TBC1D22A: variants seen among roughly 807,000 people sequenced by gnomAD.
TBC1D22A encodes the protein putative GTPase activator.
In TBC1D22A, 38 loss-of-function variants were observed where a neutral mutation model predicts 60.2. That is an observed-to-expected ratio of 0.63 (90% CI 0.49 to 0.83). The LOEUF (loss-of-function observed/expected upper bound fraction) is 0.83. Among genes scored for constraint, TBC1D22A ranks in the 40% least tolerant of loss-of-function variants. The pLI is 0.00. For synonymous variants in TBC1D22A, 302 were observed against 281.7 expected, an observed-to-expected ratio of 1.07 and a Z score of -0.72; for missense variants, 628 against 701.0, an observed-to-expected ratio of 0.90 and a Z score of 1.18.
intron 10 of TBC1D22A, among the ~76,000 whole-genome samples, chr22:47,029,030 C>A (rs1323319485): frequency 1.3e-5 from 2 of 152,182 alleles, no homozygotes; most frequent in East Asian, 1.9e-4. Flanking sequence ...TCCATGACTT[C>A]AGGTTTGATT....
intron 9 of TBC1D22A, among the ~76,000 whole-genome samples, chr22:46,985,309 G>T (rs2074682390): frequency 6.6e-6 from 1 of 152,168 alleles, no homozygotes; most frequent in African/African-American, 2.4e-5. Flanking sequence ...GTTTAGATGT[G>T]TCAAATCCAC....
At chr22:46,988,894 G>A (rs1483385026) in intron 9 of TBC1D22A, among the ~76,000 whole-genome samples, 1 of 152,206 alleles carries the variant, frequency 6.6e-6, no homozygotes, top group Non-Finnish European at 1.5e-5. Flanking sequence ...GAAAGTTGTA[G>A]ATGGTGTCTT....
chr22:46,942,292 G>GA (rs946398950), intron 8 of TBC1D22A, among the ~76,000 whole-genome samples: 2 of 151,864 alleles, frequency 1.3e-5, no homozygotes, highest in African/African-American at 4.8e-5. Context: ...CAGTAAATAG[G>GA]AAAAAATCCT....
At chr22:46,867,046 C>G (rs1055931280) in intron 4 of TBC1D22A, among the ~76,000 whole-genome samples, 6 of 152,216 alleles carry the variant, frequency 3.9e-5, no homozygotes, top group Non-Finnish European at 8.8e-5. Context: ...AGCTGTTCTG[C>G]TTATTCTCCA....
At chr22:46,951,024 G>A (rs146941417) in intron 8 of TBC1D22A, among the ~76,000 whole-genome samples, 32 of 152,304 alleles carry the variant, frequency 2.1e-4, no homozygotes, top group African/African-American at 7.7e-4. Flanking sequence ...ATGCATAGGC[G>A]CATGTTTGTG....
chr22:47,055,681 G>A lies in TBC1D22A; in HGVS notation c.1329+18483G>A, dbSNP rs539872525. Among the ~76,000 whole-genome samples, 5 of 152,186 alleles carry A rather than the reference G, an allele frequency of 3.3e-5. No individual in the cohort carries two copies. The East Asian group carries it at 7.8e-4, about 24-fold the overall frequency. On this transcript the variant is annotated intron_variant, in intron 11 of 12. Transcript: ENST00000337137. ...CAGAGCAGCCAGCATGGAGAGGGAG[G>A]GAGTGGGCAGGCGCACCTAGGAGGC... is the stretch of plus-strand genomic sequence containing the variant.
At chr22:46,953,206 C>T (rs977997756) in intron 8 of TBC1D22A, among the ~76,000 whole-genome samples, 1 of 152,144 alleles carries the variant, frequency 6.6e-6, no homozygotes, top group Non-Finnish European at 1.5e-5. Flanking sequence ...TTTTAAAATA[C>T]TTCATATTTC....
intron 4 of TBC1D22A, among the ~76,000 whole-genome samples, chr22:46,871,306 A>T (rs2067283063): frequency 6.6e-6 from 1 of 152,274 alleles, no homozygotes; most frequent in Non-Finnish European, 1.5e-5. Flanking sequence ...TTGATACAAC[A>T]GGTAAATTAA....
At chr22:47,039,581 A>G (rs1201573925) in intron 11 of TBC1D22A, among the ~76,000 whole-genome samples, 1 of 151,902 alleles carries the variant, frequency 6.6e-6, no homozygotes, top group Non-Finnish European at 1.5e-5. Flanking sequence ...AATGAGGGGC[A>G]TTGTCATGAG....
chr22:46,838,971 C>T (rs565637393), intron 4 of TBC1D22A, among the ~76,000 whole-genome samples: 2 of 152,266 alleles, frequency 1.3e-5, no homozygotes, highest in Admixed American at 1.3e-4. Flanking sequence ...CCTCTAAGAT[C>T]AGGAAGAGGA....
rs1365370920 is a variant in TBC1D22A, at chr22:47,079,434, G to T, written c.1330-32074G>T. On this transcript the variant is annotated intron_variant, in intron 11 of 12. Coordinates refer to ENST00000337137, the MANE Select transcript of TBC1D22A (RefSeq NM_014346.5). ...AAAATTGAAGTTTCATTTCTAGTAG[G>T]TTGGTGAAATAGCTACCTTCCCATG... Among the ~76,000 whole-genome samples, 4 of 152,226 alleles carry T rather than the reference G, an allele frequency of 2.6e-5. No individual in the cohort carries two copies. The South Asian group carries it at 6.2e-4, about 24-fold the overall frequency.
intron 8 of TBC1D22A, among the ~76,000 whole-genome samples, chr22:46,963,491 T>C (rs1468006203): frequency 6.6e-6 from 1 of 151,600 alleles, no homozygotes; most frequent in Non-Finnish European, 1.5e-5. Context: ...CAGGCCCTTG[T>C]TCCTGTGCCT....
intron 12 of TBC1D22A, among the ~76,000 whole-genome samples, chr22:47,139,175 T>C (rs1402661023): frequency 6.6e-6 from 1 of 152,198 alleles, no homozygotes; most frequent in South Asian, 2.1e-4. Context: ...GCTTTGTTTA[T>C]GTGCTTCAGT....
At chr22:47,066,666 G>A (rs573665731) in intron 11 of TBC1D22A, among the ~76,000 whole-genome samples, 31 of 152,318 alleles carry the variant, frequency 2.0e-4, no homozygotes, top group African/African-American at 7.0e-4. Context: ...CTGTACCTTG[G>A]CACGCAGCAG....
intron 12 of TBC1D22A, among the ~76,000 whole-genome samples, chr22:47,112,160 G>A (rs2147725227): frequency 1.3e-5 from 2 of 152,376 alleles, no homozygotes; most frequent in African/African-American, 4.8e-5. Flanking sequence ...GGGACTCCCT[G>A]TGGACTAGTG....
chr22:47,010,862 A>T (rs1404814612), intron 10 of TBC1D22A, among the ~76,000 whole-genome samples: 1 of 152,192 alleles, frequency 6.6e-6, no homozygotes, highest in Non-Finnish European at 1.5e-5. Context: ...TAGAAGTTTC[A>T]TGTAAACCCA....
Position 46,874,701 on chromosome 22 carries a change from G to C in TBC1D22A, c.638-3952G>C, listed in dbSNP as rs145293829. On this transcript the variant is annotated intron_variant, in intron 4 of 12. Coordinates refer to ENST00000337137, the MANE Select transcript of TBC1D22A (RefSeq NM_014346.5). ...TGATTCTCCTGCCTTAGCCTCCCAA[G>C]TAGCTGGGATTACAGGTGCATGCCA... is the stretch of plus-strand genomic sequence containing the variant. Among the ~76,000 whole-genome samples, 583 of 150,198 alleles carry C rather than the reference G, an allele frequency of 3.9e-3. 6 individuals carry two copies. The highest frequency in any genetic ancestry group is 0.014 in the African/African-American group (551 of 40,782).
intron 8 of TBC1D22A, among the ~76,000 whole-genome samples, chr22:46,956,210 A>G (rs1159021627): frequency 6.6e-6 from 1 of 152,144 alleles, no homozygotes; most frequent in South Asian, 2.1e-4. Flanking sequence ...GTTTGGAGAT[A>G]GGGTCTTTAA....
intron 4 of TBC1D22A, among the ~76,000 whole-genome samples, chr22:46,824,042 G>GT (rs2085941951): frequency 6.6e-6 from 1 of 152,158 alleles, no homozygotes; most frequent in Non-Finnish European, 1.5e-5. Context: ...ATGAGTTTTA[G>GT]TAATACATTT....
Sources: allele counts gnomAD v4.1 joint callset (sites outside exome capture counted in the v4.1 genomes callset), GRCh38; gene constraint gnomAD v4.1.1; transcripts MANE v1.5; gene names NCBI Gene and HGNC (gene_info 2026-07-23, HGNC 2026-07-21).